AGBL1: variants seen among roughly 807,000 people sequenced by gnomAD.
AGBL1 encodes the protein AGBL carboxypeptidase 1.
Under a neutral mutation model 118.9 loss-of-function variants are expected in AGBL1, and 130 were observed. That is an observed-to-expected ratio of 1.09 (90% CI 0.95 to 1.26). AGBL1 has a LOEUF of 1.26. AGBL1 is among the 50% of genes most tolerant of loss of function. AGBL1 has a pLI of 0.00. For synonymous variants in AGBL1, 555 were observed against 478.9 expected (o/e 1.16, Z -2.08); for missense variants, 1,584 against 1,298.1 (o/e 1.22, Z -3.38).
intron 21 of AGBL1, among the ~76,000 whole-genome samples, chr15:86,635,300 C>CCCT (rs567443527): frequency 1.4e-3 from 67 of 46,414 alleles, no homozygotes; most frequent in East Asian, 3.2e-3. Flanking sequence ...CCTCCCCCTC[C>CCCT]CCTCCTCCTC....
At chr15:86,143,088 T>C (rs1044627328) in intron 2 of AGBL1, among the ~76,000 whole-genome samples, 2 of 152,336 alleles carry the variant, frequency 1.3e-5, no homozygotes, top group African/African-American at 4.8e-5. Context: ...GAGGTCCCTG[T>C]TCAAAATTGT....
At chr15:86,612,366 C>T (rs764674311) in intron 21 of AGBL1, among the ~76,000 whole-genome samples, 1 of 146,990 alleles carries the variant, frequency 6.8e-6, no homozygotes, top group Non-Finnish European at 1.5e-5. Flanking sequence ...TAAACTTAGG[C>T]TGAATGGGCC....
chr15:86,522,732 T>C, intron 18 of AGBL1, 78 bp from the exon 19 acceptor site: 3 of 1,508,856 alleles, frequency 2.0e-6, no homozygotes, highest in South Asian at 1.3e-5. Context: ...AGTTTAATTG[T>C]TTATCTTGTG....
chr15:86,967,257 T>G (rs2081064355), intron 23 of AGBL1, among the ~76,000 whole-genome samples: 1 of 152,182 alleles, frequency 6.6e-6, no homozygotes, highest in South Asian at 2.1e-4. Flanking sequence ...TTGCAAAAAT[T>G]TCCTCCCATT....
chr15:86,751,680 A>G (rs937934835), intron 22 of AGBL1, among the ~76,000 whole-genome samples: 8 of 152,178 alleles, frequency 5.3e-5, no homozygotes, highest in African/African-American at 1.4e-4. Flanking sequence ...GCAATGTTCA[A>G]TGACCATCTT....
chr15:86,668,835 G>T (rs960001095), intron 21 of AGBL1, among the ~76,000 whole-genome samples: 1 of 152,148 alleles, frequency 6.6e-6, no homozygotes, highest in African/African-American at 2.4e-5. Context: ...GACAATGTGG[G>T]CATATTTGAC....
intron 22 of AGBL1, among the ~76,000 whole-genome samples, chr15:86,733,598 T>TTTG (rs1474792041): frequency 2.0e-5 from 3 of 152,132 alleles, no homozygotes; most frequent in South Asian, 2.1e-4. Context: ...TTCCCAGTGG[T>TTTG]TTGTTGTTGT....
At chr15:86,483,418 T>C (rs1243326855) in intron 18 of AGBL1, among the ~76,000 whole-genome samples, 2 of 152,030 alleles carry the variant, frequency 1.3e-5, no homozygotes, top group East Asian at 3.9e-4. Context: ...CTGGTTTATT[T>C]AACCCCTAGG....
At chr15:86,470,478 G>A (rs1440706990) in intron 18 of AGBL1, among the ~76,000 whole-genome samples, 4 of 151,932 alleles carry the variant, frequency 2.6e-5, no homozygotes, top group African/African-American at 4.8e-5. Flanking sequence ...CAAGTTCGTG[G>A]TATGCTTTGT....
At chr15:86,347,683 T>C (rs548069817) in intron 17 of AGBL1, among the ~76,000 whole-genome samples, 131 of 152,374 alleles carry the variant, frequency 8.6e-4, no homozygotes, top group African/African-American at 3.1e-3. Flanking sequence ...ATTTCAGTTT[T>C]CCATCTGACC....
At chr15:86,741,707 C>T (rs2077682625) in intron 22 of AGBL1, among the ~76,000 whole-genome samples, 1 of 151,920 alleles carries the variant, frequency 6.6e-6, no homozygotes, top group African/African-American at 2.4e-5. Context: ...TTTGAAACAC[C>T]ACAGCTTGAT....
At chr15:86,874,263 T>A (rs1394643663) in intron 22 of AGBL1, among the ~76,000 whole-genome samples, 6 of 151,946 alleles carry the variant, frequency 3.9e-5, no homozygotes, top group Middle Eastern at 6.8e-3. Context: ...AAGAAAAAAA[T>A]AAAAACTATC....
intron 22 of AGBL1, among the ~76,000 whole-genome samples, chr15:86,766,852 TAC>T (rs10537713): frequency 0.53 from 80,361 of 150,510 alleles, 22,434 homozygotes; most frequent in African/African-American, 0.7. Flanking sequence ...CAAAATAATC[TAC>T]ACACACACAC....
chr15:86,130,617 A>G (rs1349291963), intron 1 of AGBL1, among the ~76,000 whole-genome samples: 1 of 152,238 alleles, frequency 6.6e-6, no homozygotes, highest in African/African-American at 2.4e-5. Flanking sequence ...GAAACTCACT[A>G]AAATCTTTGA....
At chr15:86,471,852 C>A (rs1421278770) in intron 18 of AGBL1, among the ~76,000 whole-genome samples, 2 of 152,094 alleles carry the variant, frequency 1.3e-5, no homozygotes, top group East Asian at 1.9e-4. Context: ...CATAGGAACC[C>A]ACGAATATGA....
At chr15:87,004,582 C>G (rs1244874769) in intron 24 of AGBL1, among the ~76,000 whole-genome samples, 1 of 152,086 alleles carries the variant, frequency 6.6e-6, no homozygotes, top group African/African-American at 2.4e-5. Context: ...CTATTTATGT[C>G]TCTGCACGTG....
chr15:86,652,900 G>T (rs1185744001), intron 21 of AGBL1, among the ~76,000 whole-genome samples: 2 of 152,108 alleles, frequency 1.3e-5, no homozygotes, highest in Admixed American at 6.5e-5. Flanking sequence ...AGGTACGGAT[G>T]CAATGGGCAT....
At chr15:86,758,230 TC>T (rs2077970042) in intron 22 of AGBL1, among the ~76,000 whole-genome samples, 1 of 152,080 alleles carries the variant, frequency 6.6e-6, no homozygotes, top group Non-Finnish European at 1.5e-5. Flanking sequence ...CCAATGGCCT[TC>T]CTTTCATTTC....
chr15:86,144,279 G>A (rs2077003525), intron 3 of AGBL1, among the ~76,000 whole-genome samples: 2 of 152,128 alleles, frequency 1.3e-5, no homozygotes, highest in South Asian at 4.1e-4. Context: ...AAGACCTAAA[G>A]ACAGAAATAC....
Sources: gnomAD v4.1 joint callset for allele counts (sites outside exome capture counted in the v4.1 genomes callset) on GRCh38, gnomAD v4.1.1 for gene constraint, MANE v1.5 for transcripts, NCBI Gene and HGNC (gene_info 2026-07-23, HGNC 2026-07-21) for gene names.